CNOT6L: variants seen among roughly 807,000 people sequenced by gnomAD.
The protein encoded by CNOT6L is CCR4-NOT transcription complex subunit 6-like.
Under a neutral mutation model 64.0 loss-of-function variants are expected in CNOT6L, and 7 were observed. That is an observed-to-expected ratio of 0.11 (90% CI 0.06 to 0.21). The LOEUF (loss-of-function observed/expected upper bound fraction) is 0.21. CNOT6L is among the 10% of genes least tolerant of loss of function. The pLI is 1.00. For missense variants in CNOT6L, 245 were observed against 669.0 expected (o/e 0.37, Z 6.99); for synonymous variants, 193 against 243.4 (o/e 0.79, Z 1.93).
chr4:77,816,817 A>C (rs1156059), intron 1 of CNOT6L, among the ~76,000 whole-genome samples: 119,658 of 152,028 alleles, frequency 0.79, 47,957 homozygotes, highest in Non-Finnish European at 0.86. Flanking sequence ...AAAAGAAAAC[A>C]ATCTTTATGT....
intron 1 of CNOT6L, among the ~76,000 whole-genome samples, chr4:77,777,304 T>G (rs1279385848): frequency 6.6e-6 from 1 of 152,214 alleles, no homozygotes; most frequent in African/African-American, 2.4e-5. Context: ...CATGTGTGGT[T>G]TAACAAAGAC....
chr4:77,748,497 T>C (rs1724456496), intron 5 of CNOT6L, 113 bp from the exon 6 acceptor site: 1 of 710,236 alleles, frequency 1.4e-6, no homozygotes, highest in Non-Finnish European at 2.5e-6. Flanking sequence ...GCCTGCAAAC[T>C]GACTTAATCT....
intron 1 of CNOT6L, among the ~76,000 whole-genome samples, chr4:77,784,449 A>T (rs538305634): frequency 6.6e-6 from 1 of 152,160 alleles, no homozygotes; most frequent in Non-Finnish European, 1.5e-5. Context: ...CAATGCTTTA[A>T]TGCCTTGCAT....
rs1026813700 is a variant in CNOT6L, at chr4:77,748,532, A to G, written c.491-148T>C. On this transcript the variant is annotated intron_variant, in intron 5 of 11. Coordinates refer to ENST00000504123, the MANE Select transcript of CNOT6L (RefSeq NM_144571.3). Reference sequence around the variant, plus strand: ...TAATGCTGAAATTTAATGAAGATTAAGGAGCCAAAGGAAATTTCAGAAAAG... The same window carrying G: ...TAATGCTGAAATTTAATGAAGATTAGGGAGCCAAAGGAAATTTCAGAAAAG... 52 of 623,342 alleles carry G rather than the reference A, an allele frequency of 8.3e-5. 1 individual carries two copies. The East Asian group carries it at 1.4e-3, about 16-fold the overall frequency. 38.6% of individuals were successfully genotyped at this position (623,342 alleles called of 1,614,324 possible). A position where few individuals can be genotyped will look rare whatever the true frequency, so the allele number is the denominator to read the frequency against.
At chr4:77,818,346 G>A (rs1381351431) in intron 1 of CNOT6L, among the ~76,000 whole-genome samples, 2 of 152,054 alleles carry the variant, frequency 1.3e-5, no homozygotes, top group African/African-American at 2.4e-5. Context: ...TAGGAGGCAG[G>A]ATAAAACAAT....
intron 1 of CNOT6L, among the ~76,000 whole-genome samples, chr4:77,791,137 G>A (rs1730101925): frequency 6.6e-6 from 1 of 152,008 alleles, no homozygotes; most frequent in Admixed American, 6.6e-5. Context: ...AATTAGCCAG[G>A]CATGATGGTG....
At chr4:77,759,177 G>C (rs1725891160) in intron 4 of CNOT6L, among the ~76,000 whole-genome samples, 2 of 151,876 alleles carry the variant, frequency 1.3e-5, no homozygotes, top group Non-Finnish European at 2.9e-5. Flanking sequence ...ACTGATACAA[G>C]ATGCACAATA....
chr4:77,793,395 C>T (rs963407603), intron 1 of CNOT6L, among the ~76,000 whole-genome samples: 12 of 152,098 alleles, frequency 7.9e-5, no homozygotes, highest in Non-Finnish European at 1.8e-4. Flanking sequence ...GTGTTTTACG[C>T]GTCAGTAATC....
intron 5 of CNOT6L, among the ~76,000 whole-genome samples, chr4:77,754,706 TA>T (rs774940880): frequency 2.0e-5 from 3 of 151,690 alleles, no homozygotes; most frequent in Non-Finnish European, 2.9e-5. Context: ...TACATTGCTA[TA>T]AAGACTCATG....
chr4:77,734,504 T>A (rs1722750777), intron 8 of CNOT6L, among the ~76,000 whole-genome samples: 1 of 152,186 alleles, frequency 6.6e-6, no homozygotes, highest in Admixed American at 6.6e-5. Context: ...TGTTGGACAT[T>A]TAAGTTACTT....
intron 4 of CNOT6L, among the ~76,000 whole-genome samples, chr4:77,767,114 T>TA (rs11392956): frequency 0.79 from 96,385 of 121,914 alleles, 36,964 homozygotes; most frequent in Non-Finnish European, 0.84. Context: ...TGGTTTACAA[T>TA]AAAAAAAAAA....
intron 1 of CNOT6L, among the ~76,000 whole-genome samples, chr4:77,811,655 G>A (rs556682518): frequency 6.6e-6 from 1 of 152,190 alleles, no homozygotes; most frequent in East Asian, 1.9e-4. Context: ...CTTATTACCT[G>A]ACATAGCATC....
At chr4:77,819,171 C>A in intron 1 of CNOT6L, 133 bp downstream of exon 1, 1 of 1,574,482 alleles carries the variant, frequency 6.4e-7, no homozygotes, top group Non-Finnish European at 8.6e-7. Context: ...GTCCTCGGGC[C>A]GCCTCCCCGC....
chr4:77,725,348 ACTTT>A (rs1396196341), intron 11 of CNOT6L, among the ~76,000 whole-genome samples: 3 of 152,210 alleles, frequency 2.0e-5, no homozygotes, highest in African/African-American at 7.2e-5. Context: ...ATACCAAACC[ACTTT>A]CTAACACTTG....
At chr4:77,756,729 T>C (rs900866158) in intron 5 of CNOT6L, 133 bp downstream of exon 5, 2 of 546,166 alleles carry the variant, frequency 3.7e-6, no homozygotes, top group African/African-American at 1.9e-5. Context: ...TCCACTAACG[T>C]AGGATATACA....
At chr4:77,747,907 G>A (rs1327281774) in intron 6 of CNOT6L, among the ~76,000 whole-genome samples, 1 of 152,078 alleles carries the variant, frequency 6.6e-6, no homozygotes, top group Non-Finnish European at 1.5e-5. Context: ...GTACTTCTCA[G>A]TAGTTTAAAA....
chr4:77,775,656 T>C (rs1728064844), intron 2 of CNOT6L, among the ~76,000 whole-genome samples: 1 of 152,168 alleles, frequency 6.6e-6, no homozygotes, highest in Admixed American at 6.5e-5. Context: ...AGGCTACCAT[T>C]TTGCATTTAG....
chr4:77,728,549 C>G (rs1158997238), intron 10 of CNOT6L, among the ~76,000 whole-genome samples: 1 of 152,134 alleles, frequency 6.6e-6, no homozygotes, highest in East Asian at 1.9e-4. Flanking sequence ...TGTATTTTTT[C>G]CAAGTTCTAA....
chr4:77,802,337 G>C (rs953895854), intron 1 of CNOT6L, among the ~76,000 whole-genome samples: 1 of 152,076 alleles, frequency 6.6e-6, no homozygotes, highest in Non-Finnish European at 1.5e-5. Context: ...AATCATGATG[G>C]ATACATGTTG....
Sources: allele counts gnomAD v4.1 joint callset (sites outside exome capture counted in the v4.1 genomes callset), GRCh38; gene constraint gnomAD v4.1.1; transcripts MANE v1.5; gene names NCBI Gene and HGNC (gene_info 2026-07-23, HGNC 2026-07-21).